The following SCGB2B2 variants were observed in gnomAD, a reference collection of about 807,000 sequenced individuals.
The protein encoded by SCGB2B2 is secretoglobin family 2B member 2.
A neutral mutation model predicts 7.6 loss-of-function variants in SCGB2B2; 11 were observed. That is an observed-to-expected ratio of 1.45 (90% CI 0.91 to 2.40). The LOEUF (loss-of-function observed/expected upper bound fraction) is 2.40. Ranked by LOEUF, SCGB2B2 falls within the 30% of genes most tolerant of loss-of-function variation. The pLI, the probability that SCGB2B2 is intolerant of heterozygous loss-of-function variation, is 0.00. For missense variants in SCGB2B2, 104 were observed against 115.4 expected (o/e 0.90, Z 0.45); for synonymous variants, 50 against 48.6 (o/e 1.03, Z -0.12).
intron 1 of SCGB2B2, among the ~76,000 whole-genome samples, chr19:34,613,014 T>G (rs2065975800): frequency 6.6e-6 from 1 of 152,226 alleles, no homozygotes; most frequent in Non-Finnish European, 1.5e-5. Flanking sequence ...TGTTAAAATC[T>G]ACATTATCAG....
chr19:34,591,543 A>T lies in SCGB2B2; in HGVS notation c.*2012T>A, dbSNP rs1454799757. Among the ~76,000 whole-genome samples, 2 of 152,074 alleles carry T rather than the reference A, an allele frequency of 1.3e-5. No individual in the cohort carries two copies. Among genetic ancestry groups the T allele is most frequent in the Non-Finnish European group, 2.9e-5 (2 of 68,004 alleles). ...AAGTGTGACCTCGTAAGTCCTGCTCATCCCCTCCCAGGATTTTTCACTGCA... is the reference window on the plus strand; with the variant it reads ...AAGTGTGACCTCGTAAGTCCTGCTCTTCCCCTCCCAGGATTTTTCACTGCA... On this transcript the variant is annotated 3_prime_UTR_variant, in exon 4 of 4. Coordinates refer to ENST00000601241, the MANE Select transcript of SCGB2B2 (RefSeq NM_001025591.4).
At chr19:34,614,237 G>T (rs1052877491) in intron 1 of SCGB2B2, among the ~76,000 whole-genome samples, 2 of 151,912 alleles carry the variant, frequency 1.3e-5, no homozygotes, top group Non-Finnish European at 2.9e-5. Context: ...GGACTTCTGA[G>T]TTCCAACATT....
At chr19:34,637,099 C>T (rs927787518) in intron 1 of SCGB2B2, among the ~76,000 whole-genome samples, 30 of 152,188 alleles carry the variant, frequency 2.0e-4, no homozygotes, top group African/African-American at 6.8e-4. Context: ...ATTGGTCCTG[C>T]AATTCCCAGC....
At chr19:34,662,824 A>G (rs2067497390) in intron 1 of SCGB2B2, among the ~76,000 whole-genome samples, 1 of 152,156 alleles carries the variant, frequency 6.6e-6, no homozygotes, top group South Asian at 2.1e-4. Context: ...CCAGCTACTC[A>G]GGAGGCTGAA....
chr19:34,642,714 C>CAAAAAA (rs55922005), intron 1 of SCGB2B2, among the ~76,000 whole-genome samples: 1,880 of 39,844 alleles, frequency 0.047, 480 homozygotes, highest in African/African-American at 0.067. Context: ...GACTCCGTCT[C>CAAAAAA]AAAAAAAAAA....
At chr19:34,656,203 T>C (rs2067277446) in intron 1 of SCGB2B2, among the ~76,000 whole-genome samples, 1 of 151,346 alleles carries the variant, frequency 6.6e-6, no homozygotes, top group South Asian at 2.1e-4. Flanking sequence ...AATTACAAAA[T>C]TATTTGATGT....
At chr19:34,662,886 A>C (rs529875301) in intron 1 of SCGB2B2, among the ~76,000 whole-genome samples, 5 of 152,274 alleles carry the variant, frequency 3.3e-5, no homozygotes, top group African/African-American at 4.8e-5. Context: ...AACCGAGATC[A>C]TGCCACTGTA....
intron 1 of SCGB2B2, among the ~76,000 whole-genome samples, chr19:34,633,469 A>G (rs1014607878): frequency 2.0e-5 from 3 of 152,256 alleles, no homozygotes; most frequent in Admixed American, 2.0e-4. Flanking sequence ...GACACATGCA[A>G]CATGGAGGAA....
chr19:34,598,125 C>G (rs1166249903), intron 1 of SCGB2B2, among the ~76,000 whole-genome samples: 2 of 152,170 alleles, frequency 1.3e-5, no homozygotes, highest in Admixed American at 6.5e-5. Context: ...CAGGCCTTGC[C>G]TGAGGCTGAC....
intron 1 of SCGB2B2, among the ~76,000 whole-genome samples, chr19:34,658,851 G>T (rs1488423613): frequency 6.8e-6 from 1 of 147,762 alleles, no homozygotes; most frequent in Admixed American, 6.7e-5. Context: ...AGAATTTTAG[G>T]CCAATATCCC....
chr19:34,596,807 G>C (rs1327859983), intron 1 of SCGB2B2, among the ~76,000 whole-genome samples: 1 of 151,918 alleles, frequency 6.6e-6, no homozygotes, highest in Non-Finnish European at 1.5e-5. Flanking sequence ...GGCCGCAGTG[G>C]GGCTGAGCAG....
intron 1 of SCGB2B2, among the ~76,000 whole-genome samples, chr19:34,622,496 A>C (rs751520000): frequency 6.6e-6 from 1 of 152,222 alleles, no homozygotes; most frequent in East Asian, 1.9e-4. Context: ...CATTTTGGGA[A>C]GGGCAAAGAG....
At chr19:34,648,292 A>T (rs571668589) in intron 1 of SCGB2B2, among the ~76,000 whole-genome samples, 1 of 152,190 alleles carries the variant, frequency 6.6e-6, no homozygotes, top group African/African-American at 2.4e-5. Context: ...ACAAGAATAA[A>T]TCTCATGTTA....
Position 34,630,471 on chromosome 19 carries a change from C to T in SCGB2B2, c.-2031-33877G>A, listed in dbSNP as rs1404979695. On this transcript the variant is annotated intron_variant, in intron 1 of 3. Coordinates refer to ENST00000601241, the MANE Select transcript of SCGB2B2 (RefSeq NM_001025591.4). ...GGGCGAAGGATATGAACAGACACTT[C>T]TCAAAAAAAGACACTTATGCAGCCT... is the stretch of plus-strand genomic sequence containing the variant. Among the ~76,000 whole-genome samples the T allele has an allele frequency of 5.9e-5, 9 of 152,048 alleles. No homozygotes were observed. The East Asian group carries it at 1.7e-3, about 29-fold the overall frequency.
rs180860963 is a variant in SCGB2B2 at position 34,660,825 on chromosome 19, A to G, written c.-2032+14805T>C. 1.4e-3 allele frequency among the ~76,000 whole-genome samples: 210 copies of G among 152,322 alleles called. 1 individual carries two copies. Among genetic ancestry groups the G allele is most frequent in the Admixed American group, 3.7e-3 (56 of 15,292 alleles). ...CTCTACTATAAAGACACATGTACAC[A>G]TATGTTTATTGCAGCACTATTCACA... On this transcript the variant is annotated intron_variant, in intron 1 of 3. Coordinates refer to ENST00000601241, the MANE Select transcript of SCGB2B2 (RefSeq NM_001025591.4).
intron 1 of SCGB2B2, among the ~76,000 whole-genome samples, chr19:34,644,949 G>A (rs2066954421): frequency 6.6e-6 from 1 of 152,214 alleles, no homozygotes; most frequent in Non-Finnish European, 1.5e-5. Context: ...AGCTTGGGAG[G>A]TGGGAATTGC....
chr19:34,660,197 G>T (rs1044276078), intron 1 of SCGB2B2, among the ~76,000 whole-genome samples: 1 of 152,154 alleles, frequency 6.6e-6, no homozygotes, highest in African/African-American at 2.4e-5. Flanking sequence ...GAAAACCTAG[G>T]CAATACCATT....
chr19:34,608,660 CA>C lies in SCGB2B2; in HGVS notation c.-2031-12067del, dbSNP rs2065844150. 132 of 87,260 alleles carry C rather than the reference CA, an allele frequency of 1.5e-3. 6 individuals carry two copies. The highest frequency in any genetic ancestry group is 7.2e-3 in the African/African-American group (126 of 17,528). The allele number at this position is 87,260 out of a possible 1,614,324, so 5.4% of individuals were successfully genotyped here. A position where few individuals can be genotyped will look rare whatever the true frequency, so the allele number is the denominator to read the frequency against. On this transcript the variant is annotated intron_variant, in intron 1 of 3. Transcript: ENST00000601241. ...ATTTTTTATGGCTAGTGTCTCATTG[CA>C]TATATATATATATATATATATATAC... is the stretch of plus-strand genomic sequence containing the variant.
At position 34,613,343 on chromosome 19, in the gene SCGB2B2, TCCC is replaced by T. The variant is rs774431777; in HGVS notation, c.-2031-16752_-2031-16750del. ...AAAACTCCTGACCTCAAGTGATCTGTCCCCCTTGGCCTCCCAAAGTGCTGGGAT... is the reference window on the plus strand; with the variant it reads ...AAAACTCCTGACCTCAAGTGATCTGTCCTTGGCCTCCCAAAGTGCTGGGAT... On this transcript the variant is annotated intron_variant, in intron 1 of 3. Coordinates refer to ENST00000601241, the MANE Select transcript of SCGB2B2 (RefSeq NM_001025591.4). Among the ~76,000 whole-genome samples the T allele has an allele frequency of 1.3e-3, 194 of 152,184 alleles. 1 individual carries two copies. The highest frequency in any genetic ancestry group is 2.4e-3 in the Non-Finnish European group (161 of 67,974).
Sources: gnomAD v4.1 joint callset for allele counts (sites outside exome capture counted in the v4.1 genomes callset) on GRCh38, gnomAD v4.1.1 for gene constraint, MANE v1.5 for transcripts, NCBI Gene and HGNC (gene_info 2026-07-23, HGNC 2026-07-21) for gene names.